The following CSMD1 variants were observed in gnomAD, a reference collection of about 807,000 sequenced individuals.
The protein encoded by CSMD1 is CUB and sushi domain-containing protein 1.
In CSMD1, 213 loss-of-function variants were observed where a neutral mutation model predicts 417.5. That is an observed-to-expected ratio of 0.51 (90% confidence interval 0.46 to 0.57). The LOEUF (loss-of-function observed/expected upper bound fraction) is 0.57. CSMD1 is among the 20% of genes least tolerant of loss of function. CSMD1 has a pLI of 0.00. For synonymous variants in CSMD1, 2,862 were observed against 1,736.8 expected, an observed-to-expected ratio of 1.65 and a Z score of -16.11; for missense variants, 6,923 against 4,529.7, an observed-to-expected ratio of 1.53 and a Z score of -15.17.
chr8:4,317,609 GAGAGAGAAAGAGA>G (rs1799010016), intron 3 of CSMD1, among the ~76,000 whole-genome samples: 1 of 198 alleles, frequency 5.1e-3, no homozygotes, highest in East Asian at 0.17. Context: ...AGAGGGGAGA[GAGAGAGAAAGAGA>G]GAGAGAGAGA....
intron 3 of CSMD1, among the ~76,000 whole-genome samples, chr8:4,147,733 C>A (rs911451645): frequency 6.6e-6 from 1 of 152,124 alleles, no homozygotes; most frequent in Admixed American, 6.5e-5. Flanking sequence ...TGAAGCTCAC[C>A]TAGGTTAACA....
chr8:4,159,761 T>A (rs4404936), intron 3 of CSMD1, among the ~76,000 whole-genome samples: 40,138 of 152,078 alleles, frequency 0.26, 5,447 homozygotes, highest in South Asian at 0.33. Flanking sequence ...GCTAATTTTT[T>A]ATATTTTTAG....
At chr8:4,729,447 G>A (rs1319934353) in intron 1 of CSMD1, among the ~76,000 whole-genome samples, 2 of 152,172 alleles carry the variant, frequency 1.3e-5, no homozygotes, top group Admixed American at 6.5e-5. Context: ...CGGCAGAGGG[G>A]AGCAGAGAAA....
chr8:4,139,353 C>CTGAT (rs1803636028), intron 3 of CSMD1, among the ~76,000 whole-genome samples: 1 of 151,714 alleles, frequency 6.6e-6, no homozygotes, highest in South Asian at 2.1e-4. Context: ...AATTTTTTGA[C>CTGAT]CAGGTAGAGG....
chr8:3,485,538 C>CAAACACACACAGAG (rs376214281), intron 11 of CSMD1, among the ~76,000 whole-genome samples: 1 of 134,922 alleles, frequency 7.4e-6, no homozygotes, highest in Non-Finnish European at 1.5e-5. Flanking sequence ...CACACACACA[C>CAAACACACACAGAG]AGAGAGAGAG....
At chr8:4,466,990 G>C (rs768220184) in intron 2 of CSMD1, among the ~76,000 whole-genome samples, 10 of 151,830 alleles carry the variant, frequency 6.6e-5, no homozygotes, top group African/African-American at 1.7e-4. Context: ...TCAGCTGTGG[G>C]AGCTTTCTCA....
chr8:4,524,593 G>C (rs1376553499), intron 2 of CSMD1, among the ~76,000 whole-genome samples: 2 of 73,196 alleles, frequency 2.7e-5, no homozygotes, highest in African/African-American at 5.0e-5. Flanking sequence ...TTTTTGGTTT[G>C]GTTTGGGTTT....
intron 2 of CSMD1, among the ~76,000 whole-genome samples, chr8:4,431,781 A>C (rs1170400656): frequency 6.6e-6 from 1 of 152,214 alleles, no homozygotes; most frequent in Admixed American, 6.5e-5. Flanking sequence ...CATGTATTAG[A>C]AATGTAGCAA....
At chr8:4,445,510 A>T (rs1048061044) in intron 2 of CSMD1, among the ~76,000 whole-genome samples, 1 of 152,178 alleles carries the variant, frequency 6.6e-6, no homozygotes, top group Non-Finnish European at 1.5e-5. Flanking sequence ...CCAATTTTAT[A>T]CTTCATTGGT....
intron 3 of CSMD1, among the ~76,000 whole-genome samples, chr8:4,388,167 G>A (rs543035558): frequency 6.6e-6 from 1 of 152,210 alleles, no homozygotes; most frequent in Non-Finnish European, 1.5e-5. Context: ...TCCCACTAAT[G>A]GGCATCTACC....
chr8:4,778,199 C>G (rs1006108809), intron 1 of CSMD1, among the ~76,000 whole-genome samples: 1 of 152,010 alleles, frequency 6.6e-6, no homozygotes. Context: ...ATTAAAATTA[C>G]TTATGAAAAT....
At chr8:3,003,328 CCTTTT>C (rs546256275) in intron 52 of CSMD1, among the ~76,000 whole-genome samples, 256 of 152,194 alleles carry the variant, frequency 1.7e-3, no homozygotes, top group African/African-American at 5.8e-3. Context: ...ATGTGAGTTA[CCTTTT>C]CTTTTAATAT....
chr8:3,427,966 T>C (rs1449600052), intron 12 of CSMD1, among the ~76,000 whole-genome samples: 3 of 152,214 alleles, frequency 2.0e-5, no homozygotes, highest in East Asian at 1.9e-4. Flanking sequence ...TAAAGGAATT[T>C]TGAATTTTAG....
intron 5 of CSMD1, among the ~76,000 whole-genome samples, chr8:3,927,259 T>C (rs1469477199): frequency 1.3e-5 from 2 of 151,990 alleles, no homozygotes; most frequent in South Asian, 2.1e-4. Flanking sequence ...CAAATAAATA[T>C]ATAGCAGACA....
rs141736221 is a variant in CSMD1, at chr8:3,405,043, A to G, written c.2266+984T>C. Among the ~76,000 whole-genome samples, 411 of 152,336 alleles carry G rather than the reference A, an allele frequency of 2.7e-3. 2 individuals carry two copies. The highest frequency in any genetic ancestry group is 8.9e-3 in the African/African-American group (369 of 41,586). ...AAGAATAATTTTAAGAGTCCTACTA[A>G]GAATTTACACTACAATACCATGATT... is the stretch of plus-strand genomic sequence containing the variant. On this transcript the variant is annotated intron_variant, in intron 15 of 69. Transcript: ENST00000635120.
chr8:4,943,895 C>A (rs185528354), intron 1 of CSMD1, among the ~76,000 whole-genome samples: 15 of 152,198 alleles, frequency 9.9e-5, no homozygotes, highest in Non-Finnish European at 2.1e-4. Context: ...CTTAAAGGTA[C>A]GCAGAATTGC....
rs116895543 is a variant in CSMD1, at chr8:3,670,063, T to A, written c.1009+38351A>T. Among the ~76,000 whole-genome samples, 453 of 152,282 alleles carry A rather than the reference T, an allele frequency of 3.0e-3. 1 individual carries two copies. The highest frequency in any genetic ancestry group is 6.8e-3 in the Middle Eastern group (2 of 294). ...CCTAGGGTCTCACAATTTGTGATGGTTAATACTGAGTGTCAACTTGATTGG... is the reference window on the plus strand; with the variant it reads ...CCTAGGGTCTCACAATTTGTGATGGATAATACTGAGTGTCAACTTGATTGG... On this transcript the variant is annotated intron_variant, in intron 7 of 69. Coordinates refer to ENST00000635120, the MANE Select transcript of CSMD1 (RefSeq NM_033225.6).
At chr8:3,973,381 T>G (rs1232198712) in intron 5 of CSMD1, among the ~76,000 whole-genome samples, 1 of 152,236 alleles carries the variant, frequency 6.6e-6, no homozygotes, top group Non-Finnish European at 1.5e-5. Flanking sequence ...CTTTCATGTA[T>G]TCACCTACTG....
At chr8:4,770,505 A>G (rs1176115007) in intron 1 of CSMD1, among the ~76,000 whole-genome samples, 1 of 151,738 alleles carries the variant, frequency 6.6e-6, no homozygotes, top group East Asian at 1.9e-4. Flanking sequence ...TCAAATAGCC[A>G]AAGCAATTCT....
Sources: allele counts gnomAD v4.1 joint callset (sites outside exome capture counted in the v4.1 genomes callset), GRCh38; gene constraint gnomAD v4.1.1; transcripts MANE v1.5; gene names NCBI Gene and HGNC (gene_info 2026-07-23, HGNC 2026-07-21).